Variants in SFMBT2 observed in about 807,000 individuals in gnomAD.
SFMBT2 encodes scm-like with four MBT domains protein 2.
Under a neutral mutation model 110.1 loss-of-function variants are expected in SFMBT2, and 38 were observed. The ratio of observed to expected loss-of-function variants is 0.35; its 90% CI spans 0.27 to 0.45. The LOEUF (loss-of-function observed/expected upper bound fraction) is 0.45. Among genes scored for constraint, SFMBT2 ranks in the 20% least tolerant of loss-of-function variants. The probability of loss-of-function intolerance (pLI) is 1.00; values close to 1 mark genes in which losing one functional copy is unlikely to be tolerated. For synonymous variants in SFMBT2, 425 were observed against 425.4 expected (o/e 1.00, Z 0.01); for missense variants, 1,011 against 1,094.9 (o/e 0.92, Z 1.08).
Position 7,408,680 on chromosome 10 carries a change from T to G in SFMBT2, c.-52+2181A>C, listed in dbSNP as rs1846289423. 2 of 152,200 alleles carry G rather than the reference T, an allele frequency of 1.3e-5. No individual in the cohort carries two copies. Among genetic ancestry groups the G allele is most frequent in the African/African-American group, 4.8e-5 (2 of 41,446 alleles). The allele number at this position is 152,200 out of a possible 1,614,324, so 9.4% of individuals were successfully genotyped here. A position where few individuals can be genotyped will look rare whatever the true frequency, so the allele number is the denominator to read the frequency against. Reference sequence around the variant, plus strand: ...GCGTCCTGGCCACGGGCGACCCCTGTCGGGAACCCTGTTCCCGGCTAAGCT... The same window carrying G: ...GCGTCCTGGCCACGGGCGACCCCTGGCGGGAACCCTGTTCCCGGCTAAGCT... On this transcript the variant is annotated intron_variant, in intron 1 of 20. Transcript: ENST00000397167. This position sits in a 1 kb window ranked among gnomAD's most constrained non-coding sequence, Gnocchi z 5.7.
intron 16 of SFMBT2, among the ~76,000 whole-genome samples, chr10:7,187,948 A>G (rs191072089): frequency 1.3e-3 from 204 of 152,358 alleles, no homozygotes; most frequent in African/African-American, 4.7e-3. Context: ...AGCACTCTAA[A>G]CAATTATTCA....
At chr10:7,207,786 G>A (rs552048513) in intron 11 of SFMBT2, among the ~76,000 whole-genome samples, 18 of 152,204 alleles carry the variant, frequency 1.2e-4, no homozygotes, top group Admixed American at 7.8e-4. Flanking sequence ...CTTGCTAAAC[G>A]TGGGGTCCCA....
chr10:7,340,973 A>G (rs1843883728), intron 4 of SFMBT2, among the ~76,000 whole-genome samples: 1 of 152,220 alleles, frequency 6.6e-6, no homozygotes, highest in Non-Finnish European at 1.5e-5. Flanking sequence ...GCAGATAACC[A>G]GGAGCACTCT....
intron 4 of SFMBT2, among the ~76,000 whole-genome samples, chr10:7,308,879 A>G (rs920585879): frequency 6.6e-6 from 1 of 152,222 alleles, no homozygotes; most frequent in Non-Finnish European, 1.5e-5. Context: ...TGCCGGATCA[A>G]TAAAGAACTA....
rs1178821602 is a variant in SFMBT2 at position 7,170,726 on chromosome 10, G to A, written c.2544+202C>T. On this transcript the variant is annotated intron_variant, in intron 20 of 20. Transcript: ENST00000397167. This position sits in a 1 kb window ranked among gnomAD's most constrained non-coding sequence, Gnocchi z 4.6. Reference sequence around the variant, plus strand: ...CCATGGCACTGGTGGGGCCTGAGAGGAGCAGGAATGAGGCTCTGTCTCTCG... The same window carrying A: ...CCATGGCACTGGTGGGGCCTGAGAGAAGCAGGAATGAGGCTCTGTCTCTCG... Among the ~76,000 whole-genome samples, 15 of 152,138 alleles carry A rather than the reference G, an allele frequency of 9.9e-5. No homozygotes were observed. Among genetic ancestry groups the A allele is most frequent in the Non-Finnish European group, 1.5e-5 (1 of 67,994 alleles).
chr10:7,179,026 C>CT (rs199879811), intron 16 of SFMBT2, among the ~76,000 whole-genome samples: 33 of 149,286 alleles, frequency 2.2e-4, no homozygotes, highest in Admixed American at 4.0e-4. Flanking sequence ...ACTAATAAAT[C>CT]TTTTTTTTTT....
intron 2 of SFMBT2, among the ~76,000 whole-genome samples, chr10:7,381,502 G>A (rs537447246): frequency 6.6e-6 from 1 of 152,306 alleles, no homozygotes; most frequent in South Asian, 2.1e-4. Context: ...AACCCTGCAG[G>A]ATGGTGCACA....
rs1195521769 is a variant in SFMBT2, at chr10:7,408,295, G to T, written c.-52+2566C>A. 1.1e-4 allele frequency among the ~76,000 whole-genome samples: 16 copies of T among 151,674 alleles called. No homozygotes were observed. The highest frequency in any genetic ancestry group is 5.2e-4 in the Admixed American group (8 of 15,266). ...GCGTCCTGGCCGGCGTGTCGCCATC[G>T]TTCAGCCTCGCTGCCCAGGTGGGAG... On this transcript the variant is annotated intron_variant, in intron 1 of 20. Transcript: ENST00000397167. This position sits in a 1 kb window ranked among gnomAD's most constrained non-coding sequence, Gnocchi z 5.7.
intron 9 of SFMBT2, among the ~76,000 whole-genome samples, chr10:7,239,763 C>T (rs1676977380): frequency 6.6e-6 from 1 of 152,164 alleles, no homozygotes; most frequent in African/African-American, 2.4e-5. Context: ...TTAGGCCCCC[C>T]AAACTCTCTA....
At chr10:7,269,275 C>T (rs1481368190) in intron 7 of SFMBT2, among the ~76,000 whole-genome samples, 1 of 152,090 alleles carries the variant, frequency 6.6e-6, no homozygotes, top group Non-Finnish European at 1.5e-5. Context: ...AAATAATAAT[C>T]ATGAGCTTGT....
intron 9 of SFMBT2, among the ~76,000 whole-genome samples, chr10:7,228,738 TTCTCTCTCTCTCTCTCTCTCTCTCTC>T (rs56871421): frequency 2.2e-4 from 14 of 62,526 alleles, no homozygotes; most frequent in African/African-American, 1.0e-3. Context: ...TTTCTTTCCT[TTCTCTCTCTCTCTCTCTCTCTCTCTC>T]TCTCTCTCTC....
In SFMBT2 at chr10:7,322,392, A is replaced by C. The variant is rs185037280; in HGVS notation, c.437-36438T>G. ...GGATATTTCTTCATAACAGTATGAA[A>C]GTGGACTGACACAGTACACAAGGAA... On this transcript the variant is annotated intron_variant, in intron 4 of 20. Coordinates refer to ENST00000397167, the MANE Select transcript of SFMBT2 (RefSeq NM_001387889.1). Among the ~76,000 whole-genome samples the C allele has an allele frequency of 5.9e-5, 9 of 152,346 alleles. No homozygotes were observed. In the East Asian group the frequency reaches 1.7e-3, roughly 29 times the overall value.
At chr10:7,216,198 G>A (rs1007188135) in intron 11 of SFMBT2, among the ~76,000 whole-genome samples, 1 of 152,208 alleles carries the variant, frequency 6.6e-6, no homozygotes, top group Non-Finnish European at 1.5e-5. Context: ...TCCCATCGCA[G>A]ACCGCAGATC....
Position 7,171,902 on chromosome 10 carries a change from C to A in SFMBT2, c.2408G>T (p.Gly803Val). The change falls in exon 19 of 21, where the codon GGG (glycine) becomes GTG (valine). Residue 803 changes from glycine (G) to valine (V), a missense_variant. Transcript: ENST00000397167. This position sits in a 1 kb window ranked among gnomAD's most constrained non-coding sequence, Gnocchi z 4.9. ...CCCACGCCCGGGCATCACCTCTGTC[C>A]CCTCGGGCTTGGTCGGCGGGCACTT... ...GEKCPPTKPE[G>V]TEDTKQEEEE... The A allele has an allele frequency of 1.4e-6, 2 of 1,432,650 alleles. No individual in the cohort carries two copies. The highest frequency in any genetic ancestry group is 3.0e-5 in the South Asian group (2 of 67,354). The allele number at this position is 1,432,650 out of a possible 1,614,324, so 88.7% of individuals were successfully genotyped here.
chr10:7,319,324 T>C (rs1843103686), intron 4 of SFMBT2, among the ~76,000 whole-genome samples: 1 of 152,216 alleles, frequency 6.6e-6, no homozygotes. Flanking sequence ...AGCATTACTT[T>C]TGCTCATTCA....
chr10:7,224,026 T>C (rs1412646671), intron 10 of SFMBT2, among the ~76,000 whole-genome samples: 1 of 152,216 alleles, frequency 6.6e-6, no homozygotes, highest in Non-Finnish European at 1.5e-5. Context: ...GTTTAGTCTA[T>C]GTTGATTATC....
intron 15 of SFMBT2, chr10:7,189,039 C>G (rs1395464197): frequency 4.7e-5 from 28 of 593,020 alleles, no homozygotes; most frequent in Non-Finnish European, 5.9e-5. Context: ...CCATTTTCAC[C>G]AAAGAGCAAT....
chr10:7,393,002 TA>T (rs1564472931), intron 1 of SFMBT2, among the ~76,000 whole-genome samples: 3 of 77,104 alleles, frequency 3.9e-5, no homozygotes, highest in African/African-American at 1.1e-4. Context: ...TATATATATA[TA>T]TATATATATA....
At chr10:7,377,635 T>C (rs1180411574) in intron 2 of SFMBT2, among the ~76,000 whole-genome samples, 2 of 152,170 alleles carry the variant, frequency 1.3e-5, no homozygotes, top group African/African-American at 4.8e-5. Context: ...CCTAGATCCC[T>C]GGCACATGCA....
Sources: allele counts gnomAD v4.1 joint callset (sites outside exome capture counted in the v4.1 genomes callset), GRCh38; gene constraint gnomAD v4.1.1; non-coding constraint Gnocchi (gnomAD v3.1); transcripts MANE v1.5; gene names NCBI Gene and HGNC (gene_info 2026-07-23, HGNC 2026-07-21).